IL1RAPL1: variants seen among roughly 807,000 people sequenced by gnomAD.
The protein encoded by IL1RAPL1 is interleukin-1 receptor accessory protein-like 1.
A neutral mutation model predicts 48.4 loss-of-function variants in IL1RAPL1; 3 were observed. That is an observed-to-expected ratio of 0.06 (90% CI 0.03 to 0.16). The LOEUF (loss-of-function observed/expected upper bound fraction) is 0.16. IL1RAPL1 is among the 10% of genes least tolerant of loss of function. IL1RAPL1 has a pLI of 1.00. For synonymous variants in IL1RAPL1, 185 were observed against 187.7 expected, an observed-to-expected ratio of 0.99 and a Z score of 0.12; for missense variants, 349 against 530.6, an observed-to-expected ratio of 0.66 and a Z score of 3.36.
At chrX:29,801,076 A>AAAAAAAAAAAAAAC (rs1569172133) in intron 6 of IL1RAPL1, among the ~76,000 whole-genome samples, 4 of 87,015 alleles carry the variant, frequency 4.6e-5, no homozygotes, top group African/African-American at 1.7e-4. Flanking sequence ...AAAAAAAAAA[A>AAAAAAAAAAAAAAC]AAAACTCATC....
intron 2 of IL1RAPL1, among the ~76,000 whole-genome samples, chrX:28,900,957 A>G (rs774760441): frequency 1.2e-3 from 130 of 112,211 alleles, no homozygotes; most frequent in Non-Finnish European, 1.9e-3. Flanking sequence ...GGTCCATTAC[A>G]TAGTACAAAG....
intron 5 of IL1RAPL1, among the ~76,000 whole-genome samples, chrX:29,462,207 CAGAA>C (rs1005253046): frequency 9.0e-6 from 1 of 111,159 alleles, no homozygotes; most frequent in African/African-American, 3.3e-5. Context: ...TTATGGCAAA[CAGAA>C]GGAAACTTTT....
intron 5 of IL1RAPL1, among the ~76,000 whole-genome samples, chrX:29,653,489 G>A (rs1925576719): frequency 8.9e-6 from 1 of 111,804 alleles, no homozygotes; most frequent in African/African-American, 3.2e-5. Context: ...GGTACGTACT[G>A]ATAGCAAAAG....
At chrX:28,768,755 C>CTCTCTCTCTCTCTCTCTCTA in intron 1 of IL1RAPL1, among the ~76,000 whole-genome samples, 1 of 34,890 alleles carries the variant, frequency 2.9e-5, no homozygotes, top group Non-Finnish European at 4.8e-5. Context: ...CTCTCTCTCT[C>CTCTCTCTCTCTCTCTCTCTA]TATATATATA....
chrX:29,899,127 G>A (rs1286689672), intron 6 of IL1RAPL1, among the ~76,000 whole-genome samples: 2 of 110,500 alleles, frequency 1.8e-5, no homozygotes, highest in African/African-American at 3.3e-5. Flanking sequence ...TAGGGTGTGT[G>A]TGTGTGTGTG....
At chrX:28,615,211 T>TTG (rs763101755) in intron 1 of IL1RAPL1, among the ~76,000 whole-genome samples, 1 of 59,052 alleles carries the variant, frequency 1.7e-5, no homozygotes, top group African/African-American at 5.6e-5. Flanking sequence ...TTTTTTTTTT[T>TTG]TTTTTTTTTT....
At position 29,845,342 on chromosome X, in the gene IL1RAPL1, G is replaced by A. The variant is rs777517097; in HGVS notation, c.779-72122G>A. ...TGACTAGAACCCAGAAAGCCAGGGG[G>A]AAGAGTGTTTGAAGATGATTCCAGA... is the stretch of plus-strand genomic sequence containing the variant. On this transcript the variant is annotated intron_variant, in intron 6 of 10. Transcript: ENST00000378993. Among the ~76,000 whole-genome samples the A allele has an allele frequency of 1.7e-4, 19 of 111,786 alleles. No homozygotes were observed. In the Admixed American group the frequency reaches 1.7e-3, roughly 10 times the overall value.
chrX:29,327,973 G>A (rs761472645), intron 3 of IL1RAPL1, among the ~76,000 whole-genome samples: 2 of 111,906 alleles, frequency 1.8e-5, no homozygotes, highest in South Asian at 3.7e-4. Flanking sequence ...GCAGTCTGTC[G>A]TTTGTTGAAC....
intron 1 of IL1RAPL1, among the ~76,000 whole-genome samples, chrX:28,723,259 C>T: frequency 9.0e-6 from 1 of 110,835 alleles, no homozygotes; most frequent in Middle Eastern, 4.2e-3. Context: ...TAATTATTGC[C>T]TCAATTTCAG....
intron 5 of IL1RAPL1, among the ~76,000 whole-genome samples, chrX:29,493,035 A>G (rs1935174850): frequency 8.9e-6 from 1 of 112,131 alleles, no homozygotes; most frequent in African/African-American, 3.2e-5. Context: ...GAAAATTGAT[A>G]ATAGAGCTGC....
chrX:28,628,877 T>G (rs1010422672), intron 1 of IL1RAPL1, among the ~76,000 whole-genome samples: 3 of 112,256 alleles, frequency 2.7e-5, no homozygotes, highest in Admixed American at 1.9e-4. Flanking sequence ...TAAGTTGCAG[T>G]TTAGCCTTGC....
chrX:28,833,288 G>T (rs1217213934), intron 2 of IL1RAPL1, among the ~76,000 whole-genome samples: 1 of 111,351 alleles, frequency 9.0e-6, no homozygotes, highest in Non-Finnish European at 1.9e-5. Context: ...AGAACATGAG[G>T]GTGCATGTGT....
At chrX:29,420,868 G>A (rs1373288029) in intron 5 of IL1RAPL1, among the ~76,000 whole-genome samples, 1 of 111,684 alleles carries the variant, frequency 9.0e-6, no homozygotes, top group Admixed American at 9.6e-5. Flanking sequence ...GAAAGTCTTT[G>A]TATATTCATT....
At chrX:29,111,288 C>T (rs991427235) in intron 2 of IL1RAPL1, among the ~76,000 whole-genome samples, 1 of 111,721 alleles carries the variant, frequency 9.0e-6, no homozygotes, top group African/African-American at 3.3e-5. Flanking sequence ...TAAATACATA[C>T]GTGTTCCTAA....
At chrX:28,763,377 A>G (rs1007584296) in intron 1 of IL1RAPL1, among the ~76,000 whole-genome samples, 1 of 112,248 alleles carries the variant, frequency 8.9e-6, no homozygotes, top group Non-Finnish European at 1.9e-5. Flanking sequence ...GTCGTCATGC[A>G]TGCGGCTTTG....
At chrX:28,728,428 C>A (rs939094539) in intron 1 of IL1RAPL1, among the ~76,000 whole-genome samples, 2 of 111,863 alleles carry the variant, frequency 1.8e-5, no homozygotes, top group African/African-American at 6.5e-5. Flanking sequence ...TACTCACCCA[C>A]AAACAGTCCA....
chrX:29,183,121 G>T (rs1034372456), intron 2 of IL1RAPL1, among the ~76,000 whole-genome samples: 1 of 111,731 alleles, frequency 9.0e-6, no homozygotes, highest in Non-Finnish European at 1.9e-5. Context: ...CTTGTTTACA[G>T]CAGCAATAGG....
intron 6 of IL1RAPL1, among the ~76,000 whole-genome samples, chrX:29,801,000 CAAAAAAAAAA>C (rs781152873): frequency 5.8e-4 from 1 of 1,739 alleles, no homozygotes; most frequent in African/African-American, 1.0e-3. Context: ...AACTCCGTCT[CAAAAAAAAAA>C]AAAAAAAAAA....
intron 3 of IL1RAPL1, among the ~76,000 whole-genome samples, chrX:29,381,323 A>G (rs758412486): frequency 9.4e-6 from 1 of 106,273 alleles, no homozygotes; most frequent in Non-Finnish European, 1.9e-5. Flanking sequence ...TTTTTATATG[A>G]TAAATGAAAA....
Sources: gnomAD v4.1 joint callset for allele counts (sites outside exome capture counted in the v4.1 genomes callset) on GRCh38, gnomAD v4.1.1 for gene constraint, MANE v1.5 for transcripts, NCBI Gene and HGNC (gene_info 2026-07-23, HGNC 2026-07-21) for gene names.